The following PRMT8 variants were observed in gnomAD, a reference collection of about 807,000 sequenced individuals.
PRMT8 encodes the protein protein arginine N-methyltransferase 8.
In PRMT8, 7 loss-of-function variants were observed where a neutral mutation model predicts 47.1. The observed-to-expected ratio is 0.15, with a 90% CI of 0.08 to 0.28. The LOEUF is 0.28. Ranked by LOEUF, PRMT8 falls within the 10% of genes least tolerant of loss-of-function variation. The pLI is 1.00. For missense variants in PRMT8, 237 were observed against 505.4 expected, an observed-to-expected ratio of 0.47 and a Z score of 5.09; for synonymous variants, 188 against 186.5, an observed-to-expected ratio of 1.01 and a Z score of -0.07.
intron 1 of PRMT8, among the ~76,000 whole-genome samples, chr12:3,522,933 G>A (rs938494265): frequency 6.6e-6 from 1 of 152,058 alleles, no homozygotes; most frequent in Non-Finnish European, 1.5e-5. Context: ...CTCCGTCATT[G>A]GGGGTGGATG....
At chr12:3,435,452 G>A (rs1213837875) in intron 1 of PRMT8, among the ~76,000 whole-genome samples, 1 of 151,818 alleles carries the variant, frequency 6.6e-6, no homozygotes, top group Non-Finnish European at 1.5e-5. Flanking sequence ...CTGCAGAAAT[G>A]CTTTCAAAAC....
chr12:3,405,681 C>T (rs981814304), intron 1 of PRMT8, among the ~76,000 whole-genome samples: 1 of 152,194 alleles, frequency 6.6e-6, no homozygotes, highest in African/African-American at 2.4e-5. Context: ...AGTCATGAAG[C>T]CTTAAAGTTC....
intron 1 of PRMT8, among the ~76,000 whole-genome samples, chr12:3,478,736 T>G (rs1425293112): frequency 6.6e-6 from 1 of 152,008 alleles, no homozygotes; most frequent in East Asian, 1.9e-4. Context: ...TAATGGAAAA[T>G]ATTAGGGTCT....
At chr12:3,515,041 T>TAA in intron 1 of PRMT8, among the ~76,000 whole-genome samples, 1 of 152,260 alleles carries the variant, frequency 6.6e-6, no homozygotes, top group Non-Finnish European at 1.5e-5. Flanking sequence ...TTTTAAATCC[T>TAA]AAAAAAATCC....
intron 1 of PRMT8, among the ~76,000 whole-genome samples, chr12:3,518,110 C>A (rs1298031202): frequency 2.6e-5 from 4 of 151,764 alleles, no homozygotes; most frequent in Non-Finnish European, 5.9e-5. Context: ...ACACGCTTGC[C>A]CCCCTCACCA....
chr12:3,431,393 A>C (rs911117490), intron 1 of PRMT8, among the ~76,000 whole-genome samples: 1 of 152,206 alleles, frequency 6.6e-6, no homozygotes, highest in Non-Finnish European at 1.5e-5. Context: ...AGGCAGAACA[A>C]AGATGCAGAA....
chr12:3,530,446 G>T (rs1866012361), intron 1 of PRMT8, among the ~76,000 whole-genome samples: 1 of 152,112 alleles, frequency 6.6e-6, no homozygotes, highest in Non-Finnish European at 1.5e-5. Flanking sequence ...TAATCTTCAG[G>T]AGACAATTTG....
intron 1 of PRMT8, among the ~76,000 whole-genome samples, chr12:3,469,981 C>T (rs1299121736): frequency 5.9e-5 from 9 of 152,182 alleles, no homozygotes; most frequent in Admixed American, 5.9e-4. Flanking sequence ...GTGGTCCCTG[C>T]ACTCTGGGGG....
At chr12:3,539,110 A>T (rs532771075) in intron 1 of PRMT8, among the ~76,000 whole-genome samples, 10 of 152,346 alleles carry the variant, frequency 6.6e-5, no homozygotes, top group African/African-American at 2.4e-4. Context: ...AGTAAGTCTG[A>T]GCTGACCCAG....
At chr12:3,478,100 GT>G (rs1865233210) in intron 1 of PRMT8, among the ~76,000 whole-genome samples, 1 of 152,168 alleles carries the variant, frequency 6.6e-6, no homozygotes, top group Non-Finnish European at 1.5e-5. Context: ...CCCAGGAAAG[GT>G]TTGGAAACTT....
chr12:3,462,314 G>C (rs1591557072), intron 1 of PRMT8, among the ~76,000 whole-genome samples: 1 of 151,946 alleles, frequency 6.6e-6, no homozygotes. Flanking sequence ...ATGACAAATG[G>C]GATAAAGAAA....
At position 3,453,224 on chromosome 12, in the gene PRMT8, G is replaced by T. The variant is rs149945970; in HGVS notation, c.48+71782G>T. Among the ~76,000 whole-genome samples the T allele has an allele frequency of 1.3e-4, 20 of 152,230 alleles. No homozygotes were observed. In the East Asian group the frequency reaches 3.7e-3, roughly 28 times the overall value. On this transcript the variant is annotated intron_variant, in intron 1 of 9. Transcript: ENST00000452611. The surrounding 1 kb of genome is among the most constrained non-coding windows in gnomAD (Gnocchi z 4.9). ...TGCTGAAAGGGTGCAGGGAAGCCAC[G>T]GTTCCTTCCCTCCCCACGCCCCTCG...
chr12:3,460,622 G>C (rs1483893570), intron 1 of PRMT8, among the ~76,000 whole-genome samples: 1 of 152,196 alleles, frequency 6.6e-6, no homozygotes, highest in African/African-American at 2.4e-5. Flanking sequence ...TTATATCCCT[G>C]ACATTAGGCT....
chr12:3,383,480 T>C (rs1864110731), intron 1 of PRMT8, among the ~76,000 whole-genome samples: 1 of 152,130 alleles, frequency 6.6e-6, no homozygotes, highest in South Asian at 2.1e-4. Context: ...CCCAGTGTGG[T>C]GGTATTAAGA....
intron 1 of PRMT8, among the ~76,000 whole-genome samples, chr12:3,432,896 G>A (rs974943302): frequency 6.6e-6 from 1 of 152,210 alleles, no homozygotes; most frequent in African/African-American, 2.4e-5. Flanking sequence ...GAATCAACAG[G>A]TGAAAGGGAT....
At chr12:3,415,791 G>C (rs1249226952) in intron 1 of PRMT8, among the ~76,000 whole-genome samples, 1 of 152,218 alleles carries the variant, frequency 6.6e-6, no homozygotes, top group Non-Finnish European at 1.5e-5. Context: ...CAGACACGCA[G>C]GCTCAGGAGG....
intron 1 of PRMT8, among the ~76,000 whole-genome samples, chr12:3,432,709 G>A (rs533376457): frequency 1.3e-5 from 2 of 152,252 alleles, no homozygotes; most frequent in East Asian, 1.9e-4. Flanking sequence ...TTTATGGCCC[G>A]GTCATGTGAC....
intron 1 of PRMT8, among the ~76,000 whole-genome samples, chr12:3,510,023 C>T (rs61907689): frequency 0.18 from 27,350 of 152,188 alleles, 3,016 homozygotes; most frequent in Middle Eastern, 0.31. Context: ...CCCTGAAAAA[C>T]CTTGCTTGAG....
At chr12:3,547,920 A>G (rs543789770) in intron 2 of PRMT8, among the ~76,000 whole-genome samples, 12 of 152,320 alleles carry the variant, frequency 7.9e-5, no homozygotes, top group African/African-American at 2.9e-4. Flanking sequence ...TCTAAAATTT[A>G]TATAGAAATG....
Sources: allele counts gnomAD v4.1 joint callset (sites outside exome capture counted in the v4.1 genomes callset), GRCh38; gene constraint gnomAD v4.1.1; non-coding constraint Gnocchi (gnomAD v3.1); transcripts MANE v1.5; gene names NCBI Gene and HGNC (gene_info 2026-07-23, HGNC 2026-07-21).